SLC2A13: variants seen among roughly 807,000 people sequenced by gnomAD.
SLC2A13 encodes the protein solute carrier family 2 member 13.
In SLC2A13, 32 loss-of-function variants were observed where a neutral mutation model predicts 64.4. The observed-to-expected ratio is 0.50, with a 90% CI of 0.37 to 0.67. The LOEUF (loss-of-function observed/expected upper bound fraction) is 0.67, where lower values mean the gene tolerates loss of function less well. Among genes scored for constraint, SLC2A13 ranks in the 30% least tolerant of loss-of-function variants. The pLI is 0.00. For missense variants in SLC2A13, 743 were observed against 829.2 expected (o/e 0.90, Z 1.28); for synonymous variants, 338 against 327.1 (o/e 1.03, Z -0.36).
intron 7 of SLC2A13, among the ~76,000 whole-genome samples, chr12:39,767,463 G>A (rs908898125): frequency 3.3e-5 from 5 of 151,900 alleles, no homozygotes; most frequent in South Asian, 4.1e-4. Context: ...TTTTTGGAGC[G>A]GCAAATGAGC....
chr12:39,991,052 CCA>C (rs1591985972), intron 3 of SLC2A13, among the ~76,000 whole-genome samples: 1 of 152,252 alleles, frequency 6.6e-6, no homozygotes, highest in East Asian at 1.9e-4. Context: ...CTGTACTGGT[CCA>C]CAGAGAAGTT....
intron 3 of SLC2A13, among the ~76,000 whole-genome samples, chr12:39,989,564 A>G (rs927064410): frequency 1.3e-5 from 2 of 152,190 alleles, no homozygotes; most frequent in African/African-American, 4.8e-5. Context: ...TCAAAAATGG[A>G]TGTCTTGCTC....
rs188566490 is a variant in SLC2A13 at position 39,758,593 on chromosome 12, A to T, written c.*1433T>A. ...TATAGTTCTTAATAGAAAAGCAAAAATTAAGAGTTCAGTGATGAATTACCA... is the reference window on the plus strand; with the variant it reads ...TATAGTTCTTAATAGAAAAGCAAAATTTAAGAGTTCAGTGATGAATTACCA... On this transcript the variant is annotated 3_prime_UTR_variant, in exon 10 of 10. Coordinates refer to ENST00000280871, the MANE Select transcript of SLC2A13 (RefSeq NM_052885.4). 2.1e-3 allele frequency: 323 copies of T among 152,110 alleles called. No homozygotes were observed. The highest frequency in any genetic ancestry group is 7.5e-3 in the African/African-American group (310 of 41,522). The allele number at this position is 152,110 out of a possible 1,614,324, so 9.4% of individuals were successfully genotyped here.
At chr12:39,974,513 G>T (rs1205406222) in intron 3 of SLC2A13, among the ~76,000 whole-genome samples, 2 of 152,082 alleles carry the variant, frequency 1.3e-5, no homozygotes, top group East Asian at 3.9e-4. Context: ...CCCCTTACTG[G>T]GTTCTGATAT....
At chr12:39,990,568 T>TG (rs1947118096) in intron 3 of SLC2A13, among the ~76,000 whole-genome samples, 1 of 152,094 alleles carries the variant, frequency 6.6e-6, no homozygotes, top group Non-Finnish European at 1.5e-5. Context: ...ATCTGGGGAA[T>TG]GGGTGCTCTA....
intron 1 of SLC2A13, among the ~76,000 whole-genome samples, chr12:40,104,948 C>A (rs1226536828): frequency 6.6e-6 from 1 of 152,128 alleles, no homozygotes; most frequent in Non-Finnish European, 1.5e-5. Context: ...TGGTGCTCAG[C>A]TAGGTTTCTG....
intron 6 of SLC2A13, among the ~76,000 whole-genome samples, chr12:39,843,607 A>G (rs2135879397): frequency 6.6e-6 from 1 of 152,186 alleles, no homozygotes; most frequent in East Asian, 1.9e-4. Flanking sequence ...CCATACAATG[A>G]GAGTATGAAA....
At chr12:39,847,447 T>A (rs1289271053) in intron 6 of SLC2A13, among the ~76,000 whole-genome samples, 5 of 152,158 alleles carry the variant, frequency 3.3e-5, no homozygotes, top group African/African-American at 1.2e-4. Flanking sequence ...ATGAGAAGTA[T>A]TGCATGGGAT....
intron 7 of SLC2A13, among the ~76,000 whole-genome samples, chr12:39,798,219 G>A (rs79107034): frequency 4.6e-5 from 7 of 152,120 alleles, no homozygotes; most frequent in African/African-American, 1.7e-4. Flanking sequence ...CCTTGGAAGT[G>A]GATCCTTCAG....
rs1238459718 is a variant in SLC2A13 at position 40,028,379 on chromosome 12, G to A, written c.847C>T (p.Arg283Cys). Residue 283 changes from arginine (R) to cysteine (C), a missense_variant, in exon 3 of 10, where the codon CGT (arginine) becomes TGT (cysteine). Physicochemically the swap from Arg to Cys is radical, Grantham distance 180. Coordinates refer to ENST00000280871, the MANE Select transcript of SLC2A13 (RefSeq NM_052885.4). ...QKARRILSQM[R>C]GNQTIDEEYD... ...TCCTCATCAATGGTCTGGTTACCAC[G>A]CATCTGAGATAAAATTCTACGGGCC... 5 of 1,613,592 alleles carry A rather than the reference G, an allele frequency of 3.1e-6. No homozygotes were observed. The highest frequency in any genetic ancestry group is 4.5e-5 in the East Asian group (2 of 44,884).
intron 4 of SLC2A13, among the ~76,000 whole-genome samples, chr12:39,923,386 CAAAT>C (rs1159877100): frequency 9.9e-5 from 15 of 152,064 alleles, no homozygotes; most frequent in Non-Finnish European, 2.2e-4. Context: ...TATGCTAACT[CAAAT>C]AAACCAGACA....
intron 4 of SLC2A13, among the ~76,000 whole-genome samples, chr12:39,893,432 T>G (rs1944664406): frequency 6.6e-6 from 1 of 152,228 alleles, no homozygotes; most frequent in East Asian, 1.9e-4. Flanking sequence ...CCCGACTGGC[T>G]GGGACTACAG....
chr12:40,008,627 A>C (rs942043365), intron 3 of SLC2A13, among the ~76,000 whole-genome samples: 7 of 152,036 alleles, frequency 4.6e-5, no homozygotes, highest in Admixed American at 4.6e-4. Context: ...AAAAAAAAAA[A>C]AGAATATGGA....
chr12:39,866,469 C>T (rs1330632196), intron 5 of SLC2A13, among the ~76,000 whole-genome samples: 2 of 152,114 alleles, frequency 1.3e-5, no homozygotes, highest in South Asian at 2.1e-4. Flanking sequence ...TTTTAAATGT[C>T]ATAATGTATT....
chr12:39,772,502 TTTAA>T (rs1385273792), intron 7 of SLC2A13, among the ~76,000 whole-genome samples: 1 of 152,094 alleles, frequency 6.6e-6, no homozygotes, highest in Non-Finnish European at 1.5e-5. Context: ...TTTGCATTTG[TTTAA>T]TTGTGAGTAG....
intron 1 of SLC2A13, among the ~76,000 whole-genome samples, chr12:40,102,192 T>C (rs191434196): frequency 6.0e-4 from 91 of 152,346 alleles, no homozygotes; most frequent in East Asian, 4.1e-3. Flanking sequence ...ATCTTTCTAC[T>C]CCATTATAAA....
At chr12:39,993,197 T>C (rs1488803540) in intron 3 of SLC2A13, among the ~76,000 whole-genome samples, 4 of 152,206 alleles carry the variant, frequency 2.6e-5, no homozygotes, top group African/African-American at 9.6e-5. Context: ...ACAGTAACCA[T>C]CACATTTTTA....
chr12:39,889,544 T>C (rs1457251606), intron 4 of SLC2A13, among the ~76,000 whole-genome samples: 3 of 148,350 alleles, frequency 2.0e-5, no homozygotes, highest in East Asian at 3.9e-4. Context: ...TTTTTTTTTT[T>C]TTTTTTTGAG....
At chr12:40,071,323 T>C (rs1339224862) in intron 1 of SLC2A13, among the ~76,000 whole-genome samples, 1 of 152,192 alleles carries the variant, frequency 6.6e-6, no homozygotes, top group Non-Finnish European at 1.5e-5. Context: ...AGTCTGTTGA[T>C]GTGATAATAT....
Sources: gnomAD v4.1 joint callset for allele counts (sites outside exome capture counted in the v4.1 genomes callset) on GRCh38, gnomAD v4.1.1 for gene constraint, MANE v1.5 for transcripts, NCBI Gene and HGNC (gene_info 2026-07-23, HGNC 2026-07-21) for gene names.